Variants in L3MBTL4 observed in about 807,000 individuals in gnomAD.
L3MBTL4 encodes the protein L3MBTL histone methyl-lysine binding protein 4, also known as lethal(3)malignant brain tumor-like protein 4.
L3MBTL4 carries 70 observed loss-of-function variants against 84.5 expected under a neutral mutation model. The observed-to-expected ratio is 0.83, with a 90% CI of 0.68 to 1.01. The LOEUF (loss-of-function observed/expected upper bound fraction) is 1.01. Ranked by LOEUF, L3MBTL4 falls within the 50% of genes least tolerant of loss-of-function variation. The pLI, the probability that L3MBTL4 is intolerant of heterozygous loss-of-function variation, is 0.00. For synonymous variants in L3MBTL4, 274 were observed against 259.8 expected (o/e 1.05, Z -0.52); for missense variants, 715 against 754.8 (o/e 0.95, Z 0.62).
chr18:6,044,239 A>G (rs1318635436), intron 16 of L3MBTL4, among the ~76,000 whole-genome samples: 1 of 152,194 alleles, frequency 6.6e-6, no homozygotes, highest in East Asian at 1.9e-4. Flanking sequence ...ATCTGTATAA[A>G]AATGTGCTAA....
At chr18:6,030,347 GCT>G in intron 16 of L3MBTL4, 1 of 970,670 alleles carries the variant, frequency 1.0e-6, no homozygotes, top group African/African-American at 2.3e-5. Flanking sequence ...AGAACAAATA[GCT>G]AGCAAAAATC....
chr18:6,028,976 C>T (rs1422224389), intron 16 of L3MBTL4, among the ~76,000 whole-genome samples: 2 of 152,054 alleles, frequency 1.3e-5, no homozygotes, highest in African/African-American at 2.4e-5. Context: ...TACTCCATAC[C>T]TTTTAAACTG....
intron 14 of L3MBTL4, among the ~76,000 whole-genome samples, chr18:6,099,088 G>A (rs150004022): frequency 0.019 from 2,864 of 152,220 alleles, 39 homozygotes; most frequent in Middle Eastern, 0.068. Context: ...CAGCTCTTTC[G>A]GAGGATTCTG....
intron 16 of L3MBTL4, among the ~76,000 whole-genome samples, chr18:6,014,895 G>A (rs543284229): frequency 1.1e-4 from 17 of 152,222 alleles, no homozygotes; most frequent in African/African-American, 2.6e-4. Flanking sequence ...CAGGAAGAGC[G>A]GGAGGACTGG....
chr18:5,955,281 T>C lies in L3MBTL4; in HGVS notation c.*939A>G, dbSNP rs2095220803. ...GCTCCCTACTTTAGAGATCTTCCCT[T>C]TGAATAGTGTGTCTCCATTTGTAAA... On this transcript the variant is annotated 3_prime_UTR_variant, in exon 19 of 19. Transcript: ENST00000317931. The C allele has an allele frequency of 6.6e-6, 1 of 152,238 alleles. No individual in the cohort carries two copies. Among genetic ancestry groups the C allele is most frequent in the African/African-American group, 2.4e-5 (1 of 41,466 alleles). 9.4% of individuals were successfully genotyped at this position (152,238 alleles called of 1,614,324 possible).
At chr18:6,338,714 T>G (rs190189046) in intron 1 of L3MBTL4, among the ~76,000 whole-genome samples, 2 of 152,170 alleles carry the variant, frequency 1.3e-5, no homozygotes, top group Non-Finnish European at 2.9e-5. Flanking sequence ...GAGTGGATGT[T>G]AGAAACCTAA....
At chr18:6,015,292 CAAG>C (rs1448501267) in intron 16 of L3MBTL4, among the ~76,000 whole-genome samples, 2 of 151,668 alleles carry the variant, frequency 1.3e-5, no homozygotes, top group African/African-American at 4.8e-5. Flanking sequence ...TTACGGAGTC[CAAG>C]AAGAAGAAGG....
At chr18:6,028,161 T>A (rs1265404984) in intron 16 of L3MBTL4, among the ~76,000 whole-genome samples, 1 of 152,236 alleles carries the variant, frequency 6.6e-6, no homozygotes, top group African/African-American at 2.4e-5. Context: ...AGGGTTTTTA[T>A]GGTTTTGGGT....
intron 1 of L3MBTL4, among the ~76,000 whole-genome samples, chr18:6,350,439 C>T (rs1418433169): frequency 6.6e-6 from 1 of 151,818 alleles, no homozygotes; most frequent in Non-Finnish European, 1.5e-5. Context: ...GGGCAAAGAA[C>T]TTGAACAGAC....
chr18:6,110,892 G>A (rs147480835), intron 14 of L3MBTL4, among the ~76,000 whole-genome samples: 68 of 152,180 alleles, frequency 4.5e-4, no homozygotes, highest in African/African-American at 1.6e-3. Flanking sequence ...GTGTGTTCGT[G>A]GAATTTTGTT....
chr18:6,042,799 G>A (rs1469885895), intron 16 of L3MBTL4, among the ~76,000 whole-genome samples: 2 of 152,096 alleles, frequency 1.3e-5, no homozygotes, highest in Non-Finnish European at 2.9e-5. Flanking sequence ...GAGTTCAACT[G>A]CCACCTCTGT....
chr18:6,096,744 A>G (rs2058657311), intron 14 of L3MBTL4, among the ~76,000 whole-genome samples: 1 of 152,238 alleles, frequency 6.6e-6, no homozygotes. Context: ...AATATTGGGG[A>G]AGTACTGTTC....
At chr18:6,313,881 A>G (rs1178382636) in intron 1 of L3MBTL4, among the ~76,000 whole-genome samples, 1 of 152,252 alleles carries the variant, frequency 6.6e-6, no homozygotes, top group Non-Finnish European at 1.5e-5. Context: ...ACAATTTGGT[A>G]ATAATGAATT....
intron 13 of L3MBTL4, among the ~76,000 whole-genome samples, chr18:6,144,240 T>G (rs2042553466): frequency 6.8e-6 from 1 of 147,612 alleles, no homozygotes; most frequent in Non-Finnish European, 1.5e-5. Flanking sequence ...AATTAATACC[T>G]GGAAGCACTA....
intron 16 of L3MBTL4, among the ~76,000 whole-genome samples, chr18:6,073,563 T>C (rs1229664326): frequency 1.3e-5 from 2 of 152,110 alleles, no homozygotes; most frequent in Non-Finnish European, 2.9e-5. Context: ...GAAGAAGACA[T>C]TACAAGAAGG....
chr18:6,079,361 A>T (rs2057989347), intron 16 of L3MBTL4, among the ~76,000 whole-genome samples: 1 of 152,204 alleles, frequency 6.6e-6, no homozygotes, highest in South Asian at 2.1e-4. Context: ...CACTCTTCTG[A>T]CATAAATGCC....
chr18:6,091,352 G>C (rs535663997), intron 15 of L3MBTL4, among the ~76,000 whole-genome samples: 1 of 152,084 alleles, frequency 6.6e-6, no homozygotes, highest in Non-Finnish European at 1.5e-5. Context: ...GATTGGTTAG[G>C]AAAAAAAGTG....
At chr18:6,073,035 A>G (rs564016250) in intron 16 of L3MBTL4, among the ~76,000 whole-genome samples, 1 of 149,772 alleles carries the variant, frequency 6.7e-6, no homozygotes, top group Non-Finnish European at 1.5e-5. Context: ...GCAGAAATAT[A>G]ATAGCAGAAA....
chr18:6,203,574 C>A (rs913023695), intron 12 of L3MBTL4, among the ~76,000 whole-genome samples: 13 of 152,136 alleles, frequency 8.5e-5, no homozygotes, highest in Non-Finnish European at 1.8e-4. Context: ...CTGTGGAGGG[C>A]AGCAAAACCT....
Sources: allele counts gnomAD v4.1 joint callset (sites outside exome capture counted in the v4.1 genomes callset), GRCh38; gene constraint gnomAD v4.1.1; transcripts MANE v1.5; gene names NCBI Gene and HGNC (gene_info 2026-07-23, HGNC 2026-07-21).